The following SEPHS1 variants were observed in gnomAD, a reference collection of about 807,000 sequenced individuals.
The protein encoded by SEPHS1 is selenophosphate synthetase 1.
Under a neutral mutation model 39.2 loss-of-function variants are expected in SEPHS1, and 7 were observed. The observed-to-expected ratio is 0.18, with a 90% CI of 0.10 to 0.34. The LOEUF (loss-of-function observed/expected upper bound fraction) is 0.34. Among genes scored for constraint, SEPHS1 ranks in the 10% least tolerant of loss-of-function variants. The pLI is 1.00. For missense variants in SEPHS1, 253 were observed against 514.5 expected, an observed-to-expected ratio of 0.49 and a Z score of 4.92; for synonymous variants, 190 against 195.5, an observed-to-expected ratio of 0.97 and a Z score of 0.23.
intron 2 of SEPHS1, chr10:13,340,871 T>C (rs1833762661): frequency 6.6e-6 from 1 of 152,188 alleles, no homozygotes; most frequent in Non-Finnish European, 1.5e-5. Context: ...TGGTTGACAC[T>C]AGACACAGGG....
intron 1 of SEPHS1, 38 bp from the exon 2 acceptor site, chr10:13,345,066 A>G: frequency 1.1e-6 from 1 of 943,584 alleles, no homozygotes; most frequent in East Asian, 2.8e-5. Flanking sequence ...CATGAAAAGA[A>G]TTCCCACTGG....
chr10:13,346,907 G>A (rs1197666540), intron 1 of SEPHS1, among the ~76,000 whole-genome samples: 1 of 152,118 alleles, frequency 6.6e-6, no homozygotes, highest in Non-Finnish European at 1.5e-5. Context: ...GTATCAGGAA[G>A]GCGCTCAGAT....
chr10:13,342,452 C>T (rs980080931), intron 2 of SEPHS1, among the ~76,000 whole-genome samples: 2 of 151,570 alleles, frequency 1.3e-5, no homozygotes, highest in East Asian at 3.9e-4. Context: ...GGTGTGGTGG[C>T]ATGCGCCTGT....
At chr10:13,341,226 C>G (rs1320533549) in intron 2 of SEPHS1, among the ~76,000 whole-genome samples, 1 of 152,094 alleles carries the variant, frequency 6.6e-6, no homozygotes, top group African/African-American at 2.4e-5. Flanking sequence ...CCTTGAAAAA[C>G]TAGCGTTTGA....
intron 8 of SEPHS1, chr10:13,321,915 A>G: frequency 3.2e-6 from 1 of 308,884 alleles, no homozygotes; most frequent in East Asian, 1.1e-4. Context: ...TCTTAGAAAA[A>G]TGATAAGGGA....
At chr10:13,322,388 T>C (rs1564442149) in intron 8 of SEPHS1, among the ~76,000 whole-genome samples, 1 of 152,066 alleles carries the variant, frequency 6.6e-6, no homozygotes, top group Non-Finnish European at 1.5e-5. Context: ...TCACGTGATG[T>C]GCCTGCCTCA....
intron 7 of SEPHS1, among the ~76,000 whole-genome samples, chr10:13,324,268 T>A (rs904374963): frequency 6.6e-6 from 1 of 152,118 alleles, no homozygotes; most frequent in African/African-American, 2.4e-5. Flanking sequence ...CTCATTTCTT[T>A]TTACTGCTCA....
intron 5 of SEPHS1, among the ~76,000 whole-genome samples, chr10:13,331,536 C>T (rs535544135): frequency 6.6e-5 from 10 of 152,266 alleles, no homozygotes; most frequent in Middle Eastern, 3.4e-3. Context: ...CGCCTGCCAT[C>T]GTGCCCGGCT....
chr10:13,334,041 C>T (rs1306499096), intron 4 of SEPHS1, 70 bp from the exon 5 acceptor site: 3 of 1,331,260 alleles, frequency 2.3e-6, no homozygotes, highest in East Asian at 2.3e-5. Flanking sequence ...AAGGTTTTTA[C>T]ACTTACAGTT....
At chr10:13,328,586 A>C in intron 6 of SEPHS1, 136 bp from the exon 7 acceptor site, 2 of 651,950 alleles carry the variant, frequency 3.1e-6, no homozygotes, top group East Asian at 2.7e-5. Context: ...GAATTTTCCA[A>C]CTCTGGTTTT....
At position 13,317,766 on chromosome 10, in the gene SEPHS1, T is replaced by G. The variant is rs1234086927; in HGVS notation, c.*1376A>C. ...AGCACCAGAAATGGGCAGGATGTGC[T>G]GCTTTTTCTCTCACGAAGATGGGCA... is the stretch of plus-strand genomic sequence containing the variant. On this transcript the variant is annotated 3_prime_UTR_variant, in exon 9 of 9. Transcript: ENST00000327347. 6.6e-6 allele frequency: 1 copy of G among 152,236 alleles called. No homozygotes were observed. Among genetic ancestry groups the G allele is most frequent in the East Asian group, 1.9e-4 (1 of 5,198 alleles). 9.4% of individuals were successfully genotyped at this position (152,236 alleles called of 1,614,324 possible).
At chr10:13,325,360 C>T (rs1283015704) in intron 7 of SEPHS1, among the ~76,000 whole-genome samples, 2 of 152,128 alleles carry the variant, frequency 1.3e-5, no homozygotes, top group East Asian at 3.8e-4. Flanking sequence ...ATTGTAATCC[C>T]CACATGTCAA....
In SEPHS1 at chr10:13,338,822, A is replaced by G; in HGVS notation, c.194-14T>C. 2.5e-6 allele frequency: 4 copies of G among 1,575,680 alleles called. No individual in the cohort carries two copies. In the South Asian group the frequency reaches 4.4e-5, roughly 17 times the overall value. ...CCATTCCAATGCCTGTGGAGATGGA[A>G]GTCATTAGCATCCAAAAATAAAACG... On this transcript the variant is annotated splice_polypyrimidine_tract_variant and intron_variant, in intron 2 of 8. Coordinates refer to ENST00000327347, the MANE Select transcript of SEPHS1 (RefSeq NM_012247.5).
intron 2 of SEPHS1, 99 bp downstream of exon 2, chr10:13,344,659 T>C: frequency 1.2e-6 from 1 of 863,106 alleles, no homozygotes; most frequent in Non-Finnish European, 1.7e-6. Flanking sequence ...GCAAAAAAAG[T>C]AATAATAAAA....
chr10:13,339,906 T>A (rs1050354585), intron 2 of SEPHS1, among the ~76,000 whole-genome samples: 50 of 152,194 alleles, frequency 3.3e-4, no homozygotes, highest in Admixed American at 1.1e-3. Context: ...CTGTGGTTGG[T>A]TGAATCCCCC....
chr10:13,337,957 C>G (rs1449404374), intron 3 of SEPHS1, among the ~76,000 whole-genome samples: 1 of 152,210 alleles, frequency 6.6e-6, no homozygotes, highest in Non-Finnish European at 1.5e-5. Context: ...TTGCCACACA[C>G]GAAGAACACC....
In SEPHS1 at chr10:13,319,337, T is replaced by C. The variant is rs758660169; in HGVS notation, c.984A>G (p.Leu328=). The change falls in exon 9 of 9, where the codon TTA becomes TTG. Residue 328 remains leucine, a synonymous_variant. Coordinates refer to ENST00000327347, the MANE Select transcript of SEPHS1 (RefSeq NM_012247.5). The part of the protein sequence containing the change: ...PETSGGLLIC[L]PREQAARFCA... ...AGAACCGAGCTGCTTGCTCACGTGG[T>C]AAACAGATCAGAAGGCCGCCTGGCA... is the stretch of plus-strand genomic sequence containing the variant. 2 of 1,612,770 alleles carry C rather than the reference T, an allele frequency of 1.2e-6. No homozygotes were observed. The highest frequency in any genetic ancestry group is 2.2e-5 in the East Asian group (1 of 44,870).
intron 8 of SEPHS1, among the ~76,000 whole-genome samples, chr10:13,319,863 G>C (rs1382485967): frequency 6.6e-6 from 1 of 152,182 alleles, no homozygotes; most frequent in Non-Finnish European, 1.5e-5. Flanking sequence ...TTTCAACTGT[G>C]AAAATGACCT....
intron 5 of SEPHS1, among the ~76,000 whole-genome samples, chr10:13,332,527 G>A (rs1369339170): frequency 2.6e-5 from 4 of 152,044 alleles, no homozygotes; most frequent in African/African-American, 7.2e-5. Context: ...ATTTTGTTAC[G>A]TGAATTATAC....
Sources: allele counts gnomAD v4.1 joint callset (sites outside exome capture counted in the v4.1 genomes callset), GRCh38; gene constraint gnomAD v4.1.1; transcripts MANE v1.5; gene names NCBI Gene and HGNC (gene_info 2026-07-23, HGNC 2026-07-21).